The following AGAP1 variants were observed in gnomAD, a reference collection of about 807,000 sequenced individuals.
AGAP1 encodes the protein ArfGAP with GTPase domain, ankyrin repeat and PH domain 1, also known as arf-GAP with GTPase, ANK repeat and PH domain-containing protein 1.
In AGAP1, 29 loss-of-function variants were observed where a neutral mutation model predicts 105.3. That is an observed-to-expected ratio of 0.28 (90% CI 0.21 to 0.38). AGAP1 has a LOEUF of 0.38. Among genes scored for constraint, AGAP1 ranks in the 10% least tolerant of loss-of-function variants. The pLI is 1.00. For missense variants in AGAP1, 998 were observed against 1,165.1 expected, an observed-to-expected ratio of 0.86 and a Z score of 2.09; for synonymous variants, 509 against 485.9, an observed-to-expected ratio of 1.05 and a Z score of -0.63.
rs2051060227 is a variant in AGAP1, at chr2:235,901,454, TTCCACAG to T, written c.1156-7279_1156-7273del. Among the ~76,000 whole-genome samples, 1 of 152,184 alleles carries T rather than the reference TTCCACAG, an allele frequency of 6.6e-6. No individual in the cohort carries two copies. Among genetic ancestry groups the T allele is most frequent in the Non-Finnish European group, 1.5e-5 (1 of 68,032 alleles). ...AAATGTGAAAACATTTACAATATCTTTCCACAGTCCAACCCTTTGCTCCTCCCCGGTT... is the reference window on the plus strand; with the variant it reads ...AAATGTGAAAACATTTACAATATCTTTCCAACCCTTTGCTCCTCCCCGGTT... On this transcript the variant is annotated intron_variant, in intron 10 of 17. Coordinates refer to ENST00000304032, the MANE Select transcript of AGAP1 (RefSeq NM_001037131.3). This position sits in a 1 kb window ranked among gnomAD's most constrained non-coding sequence, Gnocchi z 4.3.
At position 236,078,615 on chromosome 2, in the gene AGAP1, T is replaced by C. The variant is rs2058704850; in HGVS notation, c.2114+29334T>C. ...AAACGTAATCTCCCTAGATAAGTAT[T>C]ACCACTGAACCACCTGCTGAGCAGC... On this transcript the variant is annotated intron_variant, in intron 16 of 17. Transcript: ENST00000304032. The surrounding 1 kb of genome is among the most constrained non-coding windows in gnomAD (Gnocchi z 5.3). Among the ~76,000 whole-genome samples, 1 of 152,166 alleles carries C rather than the reference T, an allele frequency of 6.6e-6. No individual in the cohort carries two copies. The highest frequency in any genetic ancestry group is 1.5e-5 in the Non-Finnish European group (1 of 68,030).
chr2:236,112,267 T>C (rs2059666026), intron 16 of AGAP1, among the ~76,000 whole-genome samples: 2 of 152,048 alleles, frequency 1.3e-5, no homozygotes, highest in African/African-American at 4.8e-5. Context: ...AATACAAAAA[T>C]TAGCCGGACG....
chr2:235,733,280 T>C lies in AGAP1; in HGVS notation c.311-7683T>C, dbSNP rs1952055196. ...CGGCCATTCACTTCCAAGGCTTTCT[T>C]ATTTCCATTCCTCAGTCAGGAGACG... On this transcript the variant is annotated intron_variant, in intron 3 of 17. Transcript: ENST00000304032. The surrounding 1 kb of genome is among the most constrained non-coding windows in gnomAD (Gnocchi z 5.0). Among the ~76,000 whole-genome samples, 2 of 152,216 alleles carry C rather than the reference T, an allele frequency of 1.3e-5. No individual in the cohort carries two copies. The highest frequency in any genetic ancestry group is 1.3e-4 in the Admixed American group (2 of 15,282).
At chr2:235,658,454 G>T (rs181798514) in intron 1 of AGAP1, among the ~76,000 whole-genome samples, 3 of 151,618 alleles carry the variant, frequency 2.0e-5, no homozygotes, top group African/African-American at 4.9e-5. Context: ...GAGTATTTCC[G>T]TATTAGCAAA....
At chr2:235,743,325 C>T (rs1437245530) in intron 4 of AGAP1, among the ~76,000 whole-genome samples, 1 of 152,172 alleles carries the variant, frequency 6.6e-6, no homozygotes, top group African/African-American at 2.4e-5. Flanking sequence ...GGTGGATGCT[C>T]AGATGGGCTT....
At chr2:235,907,646 G>C (rs911331436) in intron 10 of AGAP1, among the ~76,000 whole-genome samples, 3 of 152,030 alleles carry the variant, frequency 2.0e-5, no homozygotes, top group Non-Finnish European at 2.9e-5. Flanking sequence ...TCATTTCTCT[G>C]TATTCATGGG....
At chr2:235,527,922 G>C (rs2149067020) in intron 1 of AGAP1, among the ~76,000 whole-genome samples, 1 of 152,292 alleles carries the variant, frequency 6.6e-6, no homozygotes, top group South Asian at 2.1e-4. Context: ...ATCATAAGTA[G>C]AGCATCTTCA....
At position 235,876,909 on chromosome 2, in the gene AGAP1, G is replaced by A. The variant is rs1017449569; in HGVS notation, c.1051-6436G>A. 4.7e-5 allele frequency among the ~76,000 whole-genome samples: 7 copies of A among 149,224 alleles called. No homozygotes were observed. The South Asian group carries it at 1.1e-3, about 23-fold the overall frequency. ...GTTGCCCAGTCTGGAGTGCAATGGC[G>A]CAATCTTGGCTCACTGCAACCTCTG... is the stretch of plus-strand genomic sequence containing the variant. On this transcript the variant is annotated intron_variant, in intron 9 of 17. Transcript: ENST00000304032.
intron 13 of AGAP1, 118 bp downstream of exon 13, chr2:235,968,741 C>A: frequency 9.4e-7 from 1 of 1,068,408 alleles, no homozygotes; most frequent in Non-Finnish European, 1.3e-6. Context: ...TGCTGGTCAC[C>A]GTATGTGCTT....
rs941627919 is a variant in AGAP1 at position 235,661,120 on chromosome 2, G to A, written c.164-48059G>A. 6.6e-5 allele frequency among the ~76,000 whole-genome samples: 10 copies of A among 152,232 alleles called. 1 individual carries two copies. Among genetic ancestry groups the A allele is most frequent in the Admixed American group, 1.3e-4 (2 of 15,300 alleles). ...GCTACGTCTGGGGGTGGGTCAGCAA[G>A]GACGTGTGTGCTGTGGGAATCCTGA... On this transcript the variant is annotated intron_variant, in intron 1 of 17. Transcript: ENST00000304032.
chr2:235,758,915 C>T (rs1279029825), intron 6 of AGAP1, among the ~76,000 whole-genome samples: 1 of 152,202 alleles, frequency 6.6e-6, no homozygotes, highest in African/African-American at 2.4e-5. Flanking sequence ...GCCCCAGCCT[C>T]CCAAGTTGCT....
At chr2:236,098,035 G>A (rs143627789) in intron 16 of AGAP1, among the ~76,000 whole-genome samples, 3 of 152,336 alleles carry the variant, frequency 2.0e-5, no homozygotes, top group Non-Finnish European at 2.9e-5. Context: ...AGAAGGCTGA[G>A]TACTATTCCA....
chr2:235,722,480 T>G (rs549774284), intron 3 of AGAP1, among the ~76,000 whole-genome samples: 1 of 152,278 alleles, frequency 6.6e-6, no homozygotes, highest in Non-Finnish European at 1.5e-5. Flanking sequence ...GGGGAGAGCT[T>G]CTGGTGGCTG....
chr2:236,117,739 CTT>C (rs2059805103), intron 16 of AGAP1, among the ~76,000 whole-genome samples: 2 of 152,230 alleles, frequency 1.3e-5, no homozygotes, highest in African/African-American at 4.8e-5. Flanking sequence ...TGCTCCTTCT[CTT>C]TTGTGATTTA....
chr2:235,794,949 T>C (rs1957175279), intron 6 of AGAP1, among the ~76,000 whole-genome samples: 1 of 152,208 alleles, frequency 6.6e-6, no homozygotes, highest in Non-Finnish European at 1.5e-5. Context: ...AAAAACTCAA[T>C]GGTTATAAAA....
intron 1 of AGAP1, among the ~76,000 whole-genome samples, chr2:235,627,987 T>A (rs1165531620): frequency 6.6e-6 from 1 of 152,056 alleles, no homozygotes; most frequent in Non-Finnish European, 1.5e-5. Context: ...GGGCATAGGC[T>A]GAATTGGGAC....
Position 235,626,055 on chromosome 2 carries a change from A to G in AGAP1, c.164-83124A>G, listed in dbSNP as rs866612941. 9.9e-5 allele frequency among the ~76,000 whole-genome samples: 15 copies of G among 152,264 alleles called. 1 individual carries two copies. The South Asian group carries it at 2.7e-3, about 27-fold the overall frequency. On this transcript the variant is annotated intron_variant, in intron 1 of 17. Transcript: ENST00000304032. The stretch of plus-strand genomic sequence containing the variant: ...GTGTCTGCCTCCATACTGTACAGAA[A>G]TCACTGAATATAGGCCAGTGCGGTG...
rs1249542448 is a variant in AGAP1, at chr2:236,031,870, G to A, written c.1646-4691G>A. On this transcript the variant is annotated intron_variant, in intron 13 of 17. Transcript: ENST00000304032. Reference sequence around the variant, plus strand: ...TGGTGCCTGCTGGCCACCACCCTGAGTGATAGAGACAGGACCACCTCCCCA... The same window carrying A: ...TGGTGCCTGCTGGCCACCACCCTGAATGATAGAGACAGGACCACCTCCCCA... 4.6e-5 allele frequency among the ~76,000 whole-genome samples: 7 copies of A among 152,262 alleles called. No individual in the cohort carries two copies. The East Asian group carries it at 9.7e-4, about 21-fold the overall frequency.
At chr2:235,878,085 A>G (rs1324794374) in intron 9 of AGAP1, among the ~76,000 whole-genome samples, 1 of 152,144 alleles carries the variant, frequency 6.6e-6, no homozygotes, top group African/African-American at 2.4e-5. Flanking sequence ...GCCTCTGCAC[A>G]CTGCTGCCCC....
Sources: gnomAD v4.1 joint callset for allele counts (sites outside exome capture counted in the v4.1 genomes callset) on GRCh38, gnomAD v4.1.1 for gene constraint, Gnocchi (gnomAD v3.1) non-coding constraint, MANE v1.5 for transcripts, NCBI Gene and HGNC (gene_info 2026-07-23, HGNC 2026-07-21) for gene names.